The following GTF2H2 variants were observed in gnomAD, a reference collection of about 807,000 sequenced individuals.
GTF2H2 encodes general transcription factor IIH subunit 2.
In GTF2H2, 2 loss-of-function variants were observed where a neutral mutation model predicts 16.5. The observed-to-expected ratio is 0.12, with a 90% confidence interval of 0.05 to 0.38. The LOEUF is 0.38. Among genes scored for constraint, GTF2H2 ranks in the 10% least tolerant of loss-of-function variants. The pLI, the probability that GTF2H2 is intolerant of heterozygous loss-of-function variation, is 0.99. For missense variants in GTF2H2, 20 were observed against 137.0 expected, an observed-to-expected ratio of 0.15 and a Z score of 4.26; for synonymous variants, 8 against 44.1, an observed-to-expected ratio of 0.18 and a Z score of 3.24.
chr5:71,057,482 T>TGA (rs1185702269), intron 7 of GTF2H2, among the ~76,000 whole-genome samples: 1 of 139,188 alleles, frequency 7.2e-6, no homozygotes, highest in African/African-American at 2.7e-5. Context: ...GGAGCTCCCT[T>TGA]GAGTTTTTAC....
At chr5:71,053,312 G>C (rs1232837676) in intron 8 of GTF2H2, among the ~76,000 whole-genome samples, 1 of 142,170 alleles carries the variant, frequency 7.0e-6, no homozygotes, top group Non-Finnish European at 1.5e-5. Context: ...AGGAGATGGG[G>C]GGGCCGAACA....
At chr5:71,054,319 C>T (rs1449643001) in intron 8 of GTF2H2, among the ~76,000 whole-genome samples, 1 of 145,840 alleles carries the variant, frequency 6.9e-6, no homozygotes, top group African/African-American at 2.6e-5. Context: ...ACTGGTAGAC[C>T]CTGCTACTGT....
chr5:71,064,367 C>CA (rs1404001295), intron 1 of GTF2H2, among the ~76,000 whole-genome samples: 4 of 88,148 alleles, frequency 4.5e-5, no homozygotes, highest in African/African-American at 1.1e-4. Context: ...CAAAACAAAA[C>CA]AAACAAACAC....
chr5:71,058,108 G>C (rs1342382537), intron 7 of GTF2H2: 1 of 140,378 alleles, frequency 7.1e-6, no homozygotes, highest in Non-Finnish European at 1.6e-5. Context: ...TACTCGGGAG[G>C]GGGAGGCAGG....
chr5:71,038,331 A>G (rs1751864297), intron 14 of GTF2H2, among the ~76,000 whole-genome samples: 2 of 66,536 alleles, frequency 3.0e-5, no homozygotes, highest in South Asian at 1.5e-3. Context: ...GGCTCAAGCA[A>G]TCCTCCTATC....
Position 71,057,431 on chromosome 5 carries a change from C to T in GTF2H2, c.365-1974G>A, listed in dbSNP as rs866403977. Among the ~76,000 whole-genome samples, 46 of 143,656 alleles carry T rather than the reference C, an allele frequency of 3.2e-4. 2 individuals carry two copies. The East Asian group carries it at 5.5e-3, about 17-fold the overall frequency. The allele number at this position is 143,656 out of a possible 152,430, so 94.2% of individuals were successfully genotyped here. A position where few individuals can be genotyped will look rare whatever the true frequency, so the allele number is the denominator to read the frequency against. On this transcript the variant is annotated intron_variant, in intron 7 of 15. Coordinates refer to ENST00000274400, the Ensembl canonical transcript of GTF2H2. ...TTTCCCTGATTTAATTTCTGGGTTT[C>T]TTCTGTGTGAATCATGTCTTCTTTG...
chr5:71,051,153 G>A lies in GTF2H2; in HGVS notation c.471-1995C>T, dbSNP rs563250669. ...TGAGCCACCATGCCCAGCCAGTGTA[G>A]ATATTTTGACCTCTTTCTATGAATG... On this transcript the variant is annotated intron_variant, in intron 8 of 15. Transcript: ENST00000274400. 1.8e-4 allele frequency among the ~76,000 whole-genome samples: 24 copies of A among 136,418 alleles called. No individual in the cohort carries two copies. In the South Asian group the frequency reaches 5.3e-3, roughly 30 times the overall value. The allele number at this position is 136,418 out of a possible 152,430, so 89.5% of individuals were successfully genotyped here. A position where few individuals can be genotyped will look rare whatever the true frequency, so the allele number is the denominator to read the frequency against.
chr5:71,052,122 AACTTGCTGCAGCTTCTACATCAGC>A lies in GTF2H2; in HGVS notation c.471-2988_471-2965del, dbSNP rs201373875. Among the ~76,000 whole-genome samples, 99 of 142,594 alleles carry A rather than the reference AACTTGCTGCAGCTTCTACATCAGC, an allele frequency of 6.9e-4. 8 individuals carry two copies. In the East Asian group the frequency reaches 0.018, roughly 25 times the overall value. 93.5% of individuals were successfully genotyped at this position (142,594 alleles called of 152,430 possible). A position where few individuals can be genotyped will look rare whatever the true frequency, so the allele number is the denominator to read the frequency against. On this transcript the variant is annotated intron_variant, in intron 8 of 15. Coordinates refer to ENST00000274400, the Ensembl canonical transcript of GTF2H2. ...ATTATTTTAGCTAGATCTTCTGGAT[AACTTGCTGCAGCTTCTACATCAGC>A]ACTTGCTGCTTCCTCTTGCACTTTT...
intron 14 of GTF2H2, among the ~76,000 whole-genome samples, chr5:71,039,490 G>C (rs1417917420): frequency 7.9e-6 from 1 of 125,968 alleles, no homozygotes; most frequent in Admixed American, 8.0e-5. Context: ...TTTCAATCTA[G>C]AAAGTTCTGT....
chr5:71,048,839 G>GC lies in GTF2H2; in HGVS notation c.571dup (p.Ala191GlyfsTer3). Reference sequence around the variant, plus strand: ...AATAACAGATACTCTAATTTTAGCTGCCTTTAGGGTCTTCATAAAATCCAA... The same window carrying GC: ...AATAACAGATACTCTAATTTTAGCTGCCCTTTAGGGTCTTCATAAAATCCAA... On this transcript the variant is annotated frameshift_variant, in exon 10 of 16. Transcript: ENST00000274400. LOFTEE classifies it high-confidence loss of function. 1.5e-6 allele frequency: 1 copy of GC among 664,264 alleles called. No homozygotes were observed. Among genetic ancestry groups the GC allele is most frequent in the Non-Finnish European group, 2.7e-6 (1 of 375,198 alleles). The allele number at this position is 664,264 out of a possible 1,614,324, so 41.1% of individuals were successfully genotyped here. A position where few individuals can be genotyped will look rare whatever the true frequency, so the allele number is the denominator to read the frequency against.
At chr5:71,046,580 C>A in intron 11 of GTF2H2, among the ~76,000 whole-genome samples, 1 of 133,636 alleles carries the variant, frequency 7.5e-6, no homozygotes, top group African/African-American at 2.8e-5. Flanking sequence ...GATTATTTTT[C>A]TATTAAAAGT....
In GTF2H2 at chr5:71,054,185, T is replaced by G. The variant is rs190493207; in HGVS notation, c.470+1167A>C. Among the ~76,000 whole-genome samples, 354 of 145,828 alleles carry G rather than the reference T, an allele frequency of 2.4e-3. 25 individuals are homozygous for G. Among genetic ancestry groups the G allele is most frequent in the Admixed American group, 0.017 (245 of 14,572 alleles). ...TTTAATTAAAATGATAGCTTGTAGA[T>G]TTTTAAGTTGTGGTGACCAGTTTTC... On this transcript the variant is annotated intron_variant, in intron 8 of 15. Coordinates refer to ENST00000274400, the Ensembl canonical transcript of GTF2H2.
intron 14 of GTF2H2, among the ~76,000 whole-genome samples, chr5:71,039,477 C>A (rs1325779712): frequency 8.3e-6 from 1 of 120,372 alleles, no homozygotes; most frequent in African/African-American, 3.2e-5. Flanking sequence ...AGCCAACAGG[C>A]CCTTTCAATC....
Position 71,036,515 on chromosome 5 carries a change from TG to T in GTF2H2, c.1069-720del, listed in dbSNP as rs1008471915. On this transcript the variant is annotated intron_variant, in intron 15 of 15. Transcript: ENST00000274400. ...ACTCACACCTGTAATCCCAGCACTT[TG>T]GGAGGCCAAGGCGGGTGGATTGCTT... is the stretch of plus-strand genomic sequence containing the variant. Among the ~76,000 whole-genome samples, 8 of 88,966 alleles carry T rather than the reference TG, an allele frequency of 9.0e-5. 4 individuals are homozygous for T. The highest frequency in any genetic ancestry group is 2.4e-4 in the Admixed American group (2 of 8,194). 58.4% of individuals were successfully genotyped at this position (88,966 alleles called of 152,430 possible).
At chr5:71,057,510 A>T (rs2150198721) in intron 7 of GTF2H2, among the ~76,000 whole-genome samples, 1 of 131,792 alleles carries the variant, frequency 7.6e-6, no homozygotes, top group East Asian at 2.1e-4. Flanking sequence ...AGTAAGTTTT[A>T]AAATATTAAC....
rs1426421188 is a variant in GTF2H2, at chr5:71,048,865, GTAGA to G, written c.562-20_562-17del. 3.6e-6 allele frequency: 2 copies of G among 548,412 alleles called. No homozygotes were observed. Among genetic ancestry groups the G allele is most frequent in the African/African-American group, 5.2e-5 (2 of 38,426 alleles). The allele number at this position is 548,412 out of a possible 1,614,324, so 34.0% of individuals were successfully genotyped here. A position where few individuals can be genotyped will look rare whatever the true frequency, so the allele number is the denominator to read the frequency against. ...CCTTTAGGGTCTTCATAAAATCCAA[GTAGA>G]TAGATAGTTTTAGGAAAGAAGAAAA... On this transcript the variant is annotated splice_polypyrimidine_tract_variant and intron_variant, in intron 9 of 15. Coordinates refer to ENST00000274400, the Ensembl canonical transcript of GTF2H2.
intron 15 of GTF2H2, 59 bp from the exon 16 acceptor site, chr5:71,035,855 T>C (rs1420710430): frequency 6.9e-5 from 1 of 14,398 alleles, no homozygotes; most frequent in African/African-American, 4.5e-4. Context: ...ACAGCACAGC[T>C]AGATGACATT....
Position 71,037,875 on chromosome 5 carries a change from C to T in GTF2H2, c.1029-329G>A, listed in dbSNP as rs1468611323. On this transcript the variant is annotated intron_variant, in intron 14 of 15. Coordinates refer to ENST00000274400, the Ensembl canonical transcript of GTF2H2. ...TAATCCCAGCTACTCAGGAGGCTGA[C>T]GCAGGAGAATCGCTTGAACCCAGGA... Among the ~76,000 whole-genome samples, 10 of 65,802 alleles carry T rather than the reference C, an allele frequency of 1.5e-4. 2 individuals carry two copies. The highest frequency in any genetic ancestry group is 3.8e-4 in the Admixed American group (2 of 5,258). 43.2% of individuals were successfully genotyped at this position (65,802 alleles called of 152,430 possible).
intron 8 of GTF2H2, among the ~76,000 whole-genome samples, chr5:71,054,125 G>C (rs1158599927): frequency 7.0e-6 from 1 of 143,346 alleles, no homozygotes; most frequent in Non-Finnish European, 1.5e-5. Context: ...GTAATTCAGA[G>C]TCATAATAAT....
Sources: gnomAD v4.1 joint callset for allele counts (sites outside exome capture counted in the v4.1 genomes callset) on GRCh38, gnomAD v4.1.1 for gene constraint, MANE v1.5 for transcripts, NCBI Gene and HGNC (gene_info 2026-07-23, HGNC 2026-07-21) for gene names.